SUPT5H: variants seen among roughly 807,000 people sequenced by gnomAD.
SUPT5H encodes the protein transcription elongation factor SPT5.
Under a neutral mutation model 142.5 loss-of-function variants are expected in SUPT5H, and 24 were observed. The observed-to-expected ratio is 0.17, with a 90% CI of 0.12 to 0.24. The LOEUF (loss-of-function observed/expected upper bound fraction) is 0.24. Among genes scored for constraint, SUPT5H ranks in the 10% least tolerant of loss-of-function variants. The pLI, the probability that SUPT5H is intolerant of heterozygous loss-of-function variation, is 1.00. For synonymous variants in SUPT5H, 546 were observed against 553.0 expected (o/e 0.99, Z 0.18); for missense variants, 893 against 1,471.8 (o/e 0.61, Z 6.43).
chr19:39,459,726 C>G (rs976533412), intron 9 of SUPT5H, 137 bp downstream of exon 9: 1 of 1,309,708 alleles, frequency 7.6e-7, no homozygotes, highest in South Asian at 1.3e-5. Context: ...CCTCACTCCA[C>G]GTTACTGACT....
In SUPT5H at chr19:39,469,271, G is replaced by A. The variant is rs1315321896; in HGVS notation, c.1247G>A (p.Arg416Gln). ...EVVTESTGKE[R>Q]EHNFQPGDNV... The stretch of plus-strand genomic sequence containing the variant: ...ACGACTGCCCCTGCAGGGAAGGAGC[G>A]GGAGCACAACTTCCAACCTGGGGAC... The change falls in exon 16 of 30, where the codon CGG (arginine) becomes CAG (glutamine). Residue 416 changes from arginine to glutamine, a missense_variant. Arg to Gln is a conservative substitution (Grantham distance 43). Transcript: ENST00000432763. The surrounding 1 kb of genome is among the most constrained non-coding windows in gnomAD (Gnocchi z 5.1). 8 of 1,614,040 alleles carry A rather than the reference G, an allele frequency of 5.0e-6. No individual in the cohort carries two copies. In the Admixed American group the frequency reaches 5.0e-5, roughly 10 times the overall value.
chr19:39,456,301 C>T (rs765397313), intron 3 of SUPT5H, among the ~76,000 whole-genome samples: 5 of 151,404 alleles, frequency 3.3e-5, no homozygotes, highest in Non-Finnish European at 5.9e-5. Context: ...ATGATCATGG[C>T]TCACTGCAGC....
At chr19:39,459,409 C>G in intron 8 of SUPT5H, 150 bp from the exon 9 acceptor site, 1 of 1,317,750 alleles carries the variant, frequency 7.6e-7, no homozygotes, top group Non-Finnish European at 1.1e-6. Flanking sequence ...TTTCTCTTTC[C>G]TCTTGCTCCT....
chr19:39,459,082 A>G lies in SUPT5H; in HGVS notation c.458+9A>G. ...TCATCTGTGGGAGAGACGTAAGGGC[A>G]TGGTGGGGGCAGGTGGGGGCAGGGA... On this transcript the variant is annotated intron_variant, in intron 7 of 29. Transcript: ENST00000432763. The G allele has an allele frequency of 6.2e-7, 1 of 1,600,810 alleles. No individual in the cohort carries two copies. The highest frequency in any genetic ancestry group is 8.6e-7 in the Non-Finnish European group (1 of 1,169,232).
rs948554160 is a variant in SUPT5H at position 39,470,701 on chromosome 19, C to G, written c.1677+178C>G. Among the ~76,000 whole-genome samples, 2 of 152,146 alleles carry G rather than the reference C, an allele frequency of 1.3e-5. No individual in the cohort carries two copies. The highest frequency in any genetic ancestry group is 4.8e-5 in the African/African-American group (2 of 41,410). On this transcript the variant is annotated intron_variant, in intron 18 of 29. Transcript: ENST00000432763. The surrounding 1 kb of genome is among the most constrained non-coding windows in gnomAD (Gnocchi z 5.8). ...GGCAAGTCATTGATCCCTCCCCTTGCCTGTTTTCACACCCTATAAAATGGA... is the reference window on the plus strand; with the variant it reads ...GGCAAGTCATTGATCCCTCCCCTTGGCTGTTTTCACACCCTATAAAATGGA...
At position 39,465,069 on chromosome 19, in the gene SUPT5H, A is replaced by G; in HGVS notation, c.876+20A>G. 6.2e-7 allele frequency: 1 copy of G among 1,604,462 alleles called. No individual in the cohort carries two copies. Among genetic ancestry groups the G allele is most frequent in the Non-Finnish European group, 8.5e-7 (1 of 1,173,400 alleles). On this transcript the variant is annotated intron_variant, in intron 11 of 29. Coordinates refer to ENST00000432763, the MANE Select transcript of SUPT5H (RefSeq NM_001111020.3). ...GCTCAGGTGCCCGGGGCGGGGTGGCATGGGGGTCAGGGTCCCTCCATTCTG... is the reference window on the plus strand; with the variant it reads ...GCTCAGGTGCCCGGGGCGGGGTGGCGTGGGGGTCAGGGTCCCTCCATTCTG...
At position 39,458,770 on chromosome 19, in the gene SUPT5H, C is replaced by G; in HGVS notation, c.320-48C>G. ...GCACGCTCCTATTTTCTCCAGGCCCCTGCCCTCCACCTGCCCTTGCTCACG... is the reference window on the plus strand; with the variant it reads ...GCACGCTCCTATTTTCTCCAGGCCCGTGCCCTCCACCTGCCCTTGCTCACG... On this transcript the variant is annotated intron_variant, in intron 5 of 29. Coordinates refer to ENST00000432763, the MANE Select transcript of SUPT5H (RefSeq NM_001111020.3). This position sits in a 1 kb window ranked among gnomAD's most constrained non-coding sequence, Gnocchi z 4.2. 1 of 1,555,804 alleles carries G rather than the reference C, an allele frequency of 6.4e-7. No individual in the cohort carries two copies. The highest frequency in any genetic ancestry group is 8.8e-7 in the Non-Finnish European group (1 of 1,142,350).
chr19:39,464,115 C>G (rs946835034), intron 10 of SUPT5H, among the ~76,000 whole-genome samples: 1 of 151,768 alleles, frequency 6.6e-6, no homozygotes, highest in Non-Finnish European at 1.5e-5. Flanking sequence ...TCCCGTGTAG[C>G]TGGGATGACA....
Position 39,470,649 on chromosome 19 carries a change from C to T in SUPT5H, c.1677+126C>T, listed in dbSNP as rs2079306539. On this transcript the variant is annotated intron_variant, in intron 18 of 29. Transcript: ENST00000432763. This position sits in a 1 kb window ranked among gnomAD's most constrained non-coding sequence, Gnocchi z 5.8. ...GTTGCAGATCTGGCTCTGTCACTTA[C>T]ATCTGAATGGCTGATAGTGGGCACA... 3.6e-6 allele frequency: 4 copies of T among 1,104,328 alleles called. No individual in the cohort carries two copies. The highest frequency in any genetic ancestry group is 5.0e-6 in the Non-Finnish European group (4 of 796,804). The allele number at this position is 1,104,328 out of a possible 1,614,324, so 68.4% of individuals were successfully genotyped here.
chr19:39,461,656 C>G (rs913841478), intron 10 of SUPT5H, among the ~76,000 whole-genome samples: 12 of 151,832 alleles, frequency 7.9e-5, no homozygotes, highest in African/African-American at 2.7e-4. Context: ...AACTCCGTCT[C>G]TACCAAAAAT....
At chr19:39,468,989 T>C (rs1210243658) in intron 14 of SUPT5H, 90 bp from the exon 15 acceptor site, 3 of 1,567,612 alleles carry the variant, frequency 1.9e-6, no homozygotes, top group African/African-American at 1.4e-5. Flanking sequence ...AGGAGAATTA[T>C]TCCCCTAGGA....
chr19:39,464,177 G>C (rs1255516508), intron 10 of SUPT5H, among the ~76,000 whole-genome samples: 1 of 151,636 alleles, frequency 6.6e-6, no homozygotes, highest in African/African-American at 2.4e-5. Flanking sequence ...TAGAGACAGG[G>C]TTTCTCCGTG....
In SUPT5H at chr19:39,464,814, C is replaced by T. The variant is rs1234256902; in HGVS notation, c.641C>T (p.Ser214Leu). The T allele has an allele frequency of 6.2e-7, 1 of 1,610,772 alleles. No individual in the cohort carries two copies. The highest frequency in any genetic ancestry group is 1.7e-5 in the Admixed American group (1 of 59,924). ...QFTDTPLQIKSVVAPEHVKGY... is the reference protein window; with the variant it reads ...QFTDTPLQIKLVVAPEHVKGY... ...ACCCTGCAGCCCCTGCAGATCAAGT[C>T]AGTAGTGGCACCAGAGCATGTGAAG... The change falls in exon 11 of 30, where the codon TCA (serine) becomes TTA (leucine). Residue 214 changes from serine (S) to leucine (L), a missense_variant. Physicochemically the swap from Ser to Leu is moderately radical, Grantham distance 145 (BLOSUM62 -2). Coordinates refer to ENST00000432763, the MANE Select transcript of SUPT5H (RefSeq NM_001111020.3).
Position 39,466,337 on chromosome 19 carries a change from G to A in SUPT5H, c.877-143G>A. The A allele has an allele frequency of 1.4e-6, 1 of 718,068 alleles. No homozygotes were observed. Among genetic ancestry groups the A allele is most frequent in the Admixed American group, 2.1e-5 (1 of 47,682 alleles). The allele number at this position is 718,068 out of a possible 1,614,324, so 44.5% of individuals were successfully genotyped here. A position where few individuals can be genotyped will look rare whatever the true frequency, so the allele number is the denominator to read the frequency against. Reference sequence around the variant, plus strand: ...GTTGAGGGGACAGACAAGCTAGCGTGGGACTTTTGGGAGTGGTCAGCAGCC... The same window carrying A: ...GTTGAGGGGACAGACAAGCTAGCGTAGGACTTTTGGGAGTGGTCAGCAGCC... On this transcript the variant is annotated intron_variant, in intron 11 of 29. Transcript: ENST00000432763. The surrounding 1 kb of genome is among the most constrained non-coding windows in gnomAD (Gnocchi z 4.3).
chr19:39,469,223 G>A lies in SUPT5H; in HGVS notation c.1238-39G>A. 6.2e-7 allele frequency: 1 copy of A among 1,614,200 alleles called. No homozygotes were observed. Among genetic ancestry groups the A allele is most frequent in the Non-Finnish European group, 8.5e-7 (1 of 1,180,028 alleles). ...GGCCAAGGAGCAGGGGCGGCCCATG[G>A]TGGCAACCCCCGAGTCAGCCCTACG... On this transcript the variant is annotated intron_variant, in intron 15 of 29. Transcript: ENST00000432763. This position sits in a 1 kb window ranked among gnomAD's most constrained non-coding sequence, Gnocchi z 5.1.
intron 28 of SUPT5H, chr19:39,475,827 T>TTAAAAA: frequency 3.9e-5 from 20 of 512,870 alleles, no homozygotes; most frequent in South Asian, 1.5e-4. Flanking sequence ...GTTTGGGACA[T>TTAAAAA]GAAGAGTCAA....
rs2079311242 is a variant in SUPT5H, at chr19:39,470,950, C to T, written c.1678-407C>T. Among the ~76,000 whole-genome samples the T allele has an allele frequency of 6.6e-6, 1 of 152,160 alleles. No homozygotes were observed. The highest frequency in any genetic ancestry group is 1.5e-5 in the Non-Finnish European group (1 of 68,024). On this transcript the variant is annotated intron_variant, in intron 18 of 29. Coordinates refer to ENST00000432763, the MANE Select transcript of SUPT5H (RefSeq NM_001111020.3). The surrounding 1 kb of genome is among the most constrained non-coding windows in gnomAD (Gnocchi z 5.8). ...GTGCTGTCTGACCCTGGGCTAGTGA[C>T]TCACCCTCTCTGAGCCTGAGTTTCC...
chr19:39,446,608 G>A (rs1260116021), intron 2 of SUPT5H, among the ~76,000 whole-genome samples: 1 of 152,192 alleles, frequency 6.6e-6, no homozygotes, highest in Non-Finnish European at 1.5e-5. Flanking sequence ...CGTGTTCAGG[G>A]ATTAACGAGG....
At chr19:39,462,098 C>T (rs1033443747) in intron 10 of SUPT5H, among the ~76,000 whole-genome samples, 12 of 151,910 alleles carry the variant, frequency 7.9e-5, no homozygotes, top group African/African-American at 1.5e-4. Flanking sequence ...TTAATAGAGA[C>T]GGGGTTTCAC....
Sources: allele counts gnomAD v4.1 joint callset (sites outside exome capture counted in the v4.1 genomes callset), GRCh38; gene constraint gnomAD v4.1.1; non-coding constraint Gnocchi (gnomAD v3.1); transcripts MANE v1.5; gene names NCBI Gene and HGNC (gene_info 2026-07-23, HGNC 2026-07-21).